TCF7L2: variants seen among roughly 807,000 people sequenced by gnomAD.
TCF7L2 encodes transcription factor 7 like 2.
TCF7L2 carries 23 observed loss-of-function variants against 77.9 expected under a neutral mutation model. That is an observed-to-expected ratio of 0.30 (90% CI 0.21 to 0.42). The LOEUF (loss-of-function observed/expected upper bound fraction) is 0.42, where lower values mean the gene tolerates loss of function less well. Among genes scored for constraint, TCF7L2 ranks in the 10% least tolerant of loss-of-function variants. The pLI, the probability that TCF7L2 is intolerant of heterozygous loss-of-function variation, is 1.00. For missense variants in TCF7L2, 654 were observed against 793.1 expected (o/e 0.82, Z 2.11); for synonymous variants, 413 against 340.2 (o/e 1.21, Z -2.36).
chr10:113,150,292 TA>T (rs1429347668), intron 8 of TCF7L2, among the ~76,000 whole-genome samples: 6 of 151,924 alleles, frequency 3.9e-5, no homozygotes, highest in Non-Finnish European at 1.5e-5. Flanking sequence ...ATCAAAGGTT[TA>T]TTGTGTGTGT....
chr10:113,088,002 G>A (rs1473788125), intron 5 of TCF7L2, among the ~76,000 whole-genome samples: 2 of 151,982 alleles, frequency 1.3e-5, no homozygotes, highest in Admixed American at 6.6e-5. Flanking sequence ...GATAGTGAAC[G>A]TAAAAACATA....
intron 4 of TCF7L2, among the ~76,000 whole-genome samples, chr10:112,978,049 G>A (rs768782407): frequency 2.6e-5 from 4 of 152,116 alleles, no homozygotes; most frequent in Admixed American, 6.5e-5. Flanking sequence ...TGTAACAGGA[G>A]GCCTAGAAAA....
Position 113,057,768 on chromosome 10 carries a change from T to C in TCF7L2, c.552+17642T>C, listed in dbSNP as rs7071302. Among the ~76,000 whole-genome samples, 1,354 of 152,034 alleles carry C rather than the reference T, an allele frequency of 8.9e-3. 18 individuals carry two copies. The highest frequency in any genetic ancestry group is 0.031 in the African/African-American group (1,287 of 41,484). On this transcript the variant is annotated intron_variant, in intron 5 of 13. Coordinates refer to ENST00000627217, the MANE Select transcript of TCF7L2 (RefSeq NM_001146274.2). ...TCAGAGGGAAGGGAGGTGGCTTTTC[T>C]CAGGTGGAAAGCCAGACCTTTTCAG...
At chr10:113,120,354 A>G (rs1004113112) in intron 5 of TCF7L2, among the ~76,000 whole-genome samples, 3 of 152,210 alleles carry the variant, frequency 2.0e-5, no homozygotes, top group Non-Finnish European at 4.4e-5. Context: ...GAGAGCAACC[A>G]CATCAACTTT....
At chr10:113,050,106 C>T (rs998612521) in intron 5 of TCF7L2, among the ~76,000 whole-genome samples, 2 of 152,104 alleles carry the variant, frequency 1.3e-5, no homozygotes, top group African/African-American at 4.8e-5. Context: ...TTTTCTAGCC[C>T]GAGCCTGCAT....
At chr10:113,039,864 C>A (rs925088258) in intron 4 of TCF7L2, among the ~76,000 whole-genome samples, 161 bp from the exon 5 acceptor site, 2 of 151,896 alleles carry the variant, frequency 1.3e-5, no homozygotes, top group African/African-American at 4.8e-5. Context: ...TGAGGAAGAC[C>A]CTATTGGAAT....
chr10:112,984,202 A>G (rs7895307), intron 4 of TCF7L2, among the ~76,000 whole-genome samples: 97,108 of 152,080 alleles, frequency 0.64, 31,264 homozygotes, highest in East Asian at 0.72. Flanking sequence ...CCTCCTTTTG[A>G]CTTGGGGAGC....
rs1014921134 is a variant in TCF7L2 at position 112,961,259 on chromosome 10, C to T, written c.382-3297C>T. Among the ~76,000 whole-genome samples the T allele has an allele frequency of 1.1e-4, 14 of 127,854 alleles. 4 individuals carry two copies. The highest frequency in any genetic ancestry group is 4.7e-4 in the African/African-American group (14 of 29,880). 83.9% of individuals were successfully genotyped at this position (127,854 alleles called of 152,430 possible). ...CGAACTCCCGACCTCAGGTGACCCC[C>T]CCCCCCCCAACCTCGGCCTTCCAAA... is the stretch of plus-strand genomic sequence containing the variant. On this transcript the variant is annotated intron_variant, in intron 3 of 13. Coordinates refer to ENST00000627217, the MANE Select transcript of TCF7L2 (RefSeq NM_001146274.2).
At chr10:113,162,521 A>G (rs919241480) in intron 13 of TCF7L2, among the ~76,000 whole-genome samples, 1 of 152,178 alleles carries the variant, frequency 6.6e-6, no homozygotes, top group Non-Finnish European at 1.5e-5. Flanking sequence ...AAAATCTGCC[A>G]ACCGAAAACC....
intron 5 of TCF7L2, chr10:113,089,589 G>A (rs2135619598): frequency 6.3e-7 from 1 of 1,598,856 alleles, no homozygotes; most frequent in Non-Finnish European, 8.5e-7. Flanking sequence ...GCTCTAAAAT[G>A]AAGCCGCCCA....
At chr10:113,152,964 C>T (rs890530580) in intron 11 of TCF7L2, among the ~76,000 whole-genome samples, 1 of 152,194 alleles carries the variant, frequency 6.6e-6, no homozygotes, top group Non-Finnish European at 1.5e-5. Flanking sequence ...CCTATTTCAT[C>T]CTGAGAGGAG....
Position 113,040,087 on chromosome 10 carries a change from C to T in TCF7L2, c.513C>T (p.Ala171=), listed in dbSNP as rs767124900. The T allele has an allele frequency of 1.6e-5, 26 of 1,613,902 alleles. No individual in the cohort carries two copies. The highest frequency in any genetic ancestry group is 2.0e-5 in the Non-Finnish European group (24 of 1,179,934). Residue 171 remains alanine, a synonymous_variant, in exon 5 of 14, where the codon GCC becomes GCT. Transcript: ENST00000627217. Reference sequence around the variant, plus strand: ...CAGGGAGCCTCCAGAGTAGACAAGCCCTCAAGGATGCCCGGTCCCCATCAC... The same window carrying T: ...CAGGGAGCCTCCAGAGTAGACAAGCTCTCAAGGATGCCCGGTCCCCATCAC...
intron 11 of TCF7L2, among the ~76,000 whole-genome samples, chr10:113,155,768 G>T (rs531928634): frequency 3.9e-5 from 6 of 152,262 alleles, no homozygotes; most frequent in African/African-American, 1.4e-4. Flanking sequence ...AACTAGGCCC[G>T]CCTGCCTGTT....
intron 3 of TCF7L2, among the ~76,000 whole-genome samples, chr10:112,952,548 C>T (rs543783590): frequency 3.2e-3 from 491 of 152,302 alleles, no homozygotes; most frequent in African/African-American, 0.011. Context: ...GGAATTTTGG[C>T]GCCTTGGGAT....
chr10:113,063,638 C>T (rs921470764), intron 5 of TCF7L2, among the ~76,000 whole-genome samples: 3 of 152,156 alleles, frequency 2.0e-5, no homozygotes, highest in Non-Finnish European at 4.4e-5. Context: ...TTATCTGAGG[C>T]TGTCACCAGT....
intron 4 of TCF7L2, among the ~76,000 whole-genome samples, chr10:113,020,143 C>T (rs2048047135): frequency 6.6e-6 from 1 of 152,108 alleles, no homozygotes; most frequent in Admixed American, 6.5e-5. Flanking sequence ...ATCTTCTGGG[C>T]CTGAAGATAA....
intron 13 of TCF7L2, among the ~76,000 whole-genome samples, chr10:113,161,876 C>T (rs1306506042): frequency 2.0e-5 from 3 of 152,188 alleles, no homozygotes; most frequent in African/African-American, 7.2e-5. Flanking sequence ...ACACAGACAG[C>T]CCTCTGCCTG....
At chr10:113,014,814 A>G (rs2047067372) in intron 4 of TCF7L2, among the ~76,000 whole-genome samples, 1 of 151,918 alleles carries the variant, frequency 6.6e-6, no homozygotes, top group Non-Finnish European at 1.5e-5. Context: ...ACAAACAAAA[A>G]CTAAAAGGAG....
chr10:112,964,625 G>A lies in TCF7L2; in HGVS notation c.450+1G>A, dbSNP rs1450688148. On this transcript the variant is annotated splice_donor_variant, in intron 4 of 13. Transcript: ENST00000627217. LOFTEE classifies it high-confidence loss of function. The stretch of plus-strand genomic sequence containing the variant: ...GATTGAACACCAGATTGCAGTTCAG[G>A]TAGGAAACGCAAGAGATTCTGAAGC... 6.2e-7 allele frequency: 1 copy of A among 1,612,584 alleles called. No homozygotes were observed. Among genetic ancestry groups the A allele is most frequent in the Non-Finnish European group, 8.5e-7 (1 of 1,178,942 alleles).
Sources: allele counts gnomAD v4.1 joint callset (sites outside exome capture counted in the v4.1 genomes callset), GRCh38; gene constraint gnomAD v4.1.1; transcripts MANE v1.5; gene names NCBI Gene and HGNC (gene_info 2026-07-23, HGNC 2026-07-21).